Variants in NEIL2 observed in about 807,000 individuals in gnomAD.
NEIL2 encodes the protein endonuclease 8-like 2.
In NEIL2, 23 loss-of-function variants were observed where a neutral mutation model predicts 22.2. The ratio of observed to expected loss-of-function variants is 1.04; its 90% confidence interval spans 0.75 to 1.47. The LOEUF (loss-of-function observed/expected upper bound fraction) is 1.47, where lower values mean the gene tolerates loss of function less well. NEIL2 is among the 40% of genes most tolerant of loss of function. The pLI is 0.00. For synonymous variants in NEIL2, 229 were observed against 164.8 expected (o/e 1.39, Z -2.99); for missense variants, 583 against 404.7 (o/e 1.44, Z -3.78).
chr8:11,784,046 C>T (rs944431000), intron 4 of NEIL2, among the ~76,000 whole-genome samples: 1 of 136,874 alleles, frequency 7.3e-6, no homozygotes, highest in Non-Finnish European at 1.6e-5. Flanking sequence ...GTTCTTATTA[C>T]TCACAGTAGG....
At chr8:11,785,664 G>T (rs923774669) in intron 4 of NEIL2, among the ~76,000 whole-genome samples, 4 of 152,196 alleles carry the variant, frequency 2.6e-5, no homozygotes, top group South Asian at 2.1e-4. Flanking sequence ...TCAGGGTCAC[G>T]TGGGTAGGAT....
intron 1 of NEIL2, among the ~76,000 whole-genome samples, chr8:11,771,053 G>A (rs1197059292): frequency 6.6e-6 from 1 of 152,186 alleles, no homozygotes; most frequent in Non-Finnish European, 1.5e-5. Flanking sequence ...GAGAGCGGGA[G>A]CAGGGGGACA....
intron 1 of NEIL2, among the ~76,000 whole-genome samples, 187 bp from the exon 2 acceptor site, chr8:11,771,259 C>T (rs910435426): frequency 6.6e-6 from 1 of 152,208 alleles, no homozygotes; most frequent in African/African-American, 2.4e-5. Flanking sequence ...ACGTTTCCCA[C>T]ACCCTGCCAC....
chr8:11,779,446 C>A lies in NEIL2; in HGVS notation c.139-152C>A, dbSNP rs1446768515. 4 of 718,320 alleles carry A rather than the reference C, an allele frequency of 5.6e-6. No individual in the cohort carries two copies. The East Asian group carries it at 7.5e-5, about 13-fold the overall frequency. 44.5% of individuals were successfully genotyped at this position (718,320 alleles called of 1,614,324 possible). A position where few individuals can be genotyped will look rare whatever the true frequency, so the allele number is the denominator to read the frequency against. On this transcript the variant is annotated intron_variant, in intron 2 of 4. Coordinates refer to ENST00000284503, the MANE Select transcript of NEIL2 (RefSeq NM_145043.4). ...ATGCGAACTGCTCACACCACTGGAG[C>A]AAAAGAGCAAAAGGCAGAGTCCAAA...
At chr8:11,772,589 C>G (rs571358573) in intron 2 of NEIL2, among the ~76,000 whole-genome samples, 13 of 152,290 alleles carry the variant, frequency 8.5e-5, no homozygotes, top group Middle Eastern at 3.4e-3. Flanking sequence ...TCCTCCTGTT[C>G]TTCCCTTTTT....
chr8:11,777,184 C>T (rs896963972), intron 2 of NEIL2, among the ~76,000 whole-genome samples: 2 of 151,102 alleles, frequency 1.3e-5, no homozygotes, highest in African/African-American at 2.4e-5. Flanking sequence ...TACAGATGGG[C>T]GTTTCACTTT....
chr8:11,782,861 T>G, intron 3 of NEIL2: 1 of 372,628 alleles, frequency 2.7e-6, no homozygotes, highest in East Asian at 7.7e-5. Flanking sequence ...GATGTGTGTA[T>G]GTGTGTATGA....
intron 4 of NEIL2, among the ~76,000 whole-genome samples, chr8:11,784,035 C>T (rs571166293): frequency 2.8e-5 from 4 of 142,762 alleles, no homozygotes; most frequent in East Asian, 3.0e-4. Flanking sequence ...GACAGCGTGG[C>T]GTTCTTATTA....
intron 2 of NEIL2, among the ~76,000 whole-genome samples, chr8:11,778,876 C>T (rs1804139653): frequency 8.0e-6 from 1 of 125,014 alleles, no homozygotes; most frequent in Admixed American, 1.1e-4. Flanking sequence ...CACTTGAACC[C>T]AGGAGATGGA....
In NEIL2 at chr8:11,785,957, T is replaced by C; in HGVS notation, c.689-6T>C. 1.2e-6 allele frequency: 2 copies of C among 1,613,594 alleles called. No individual in the cohort carries two copies. Among genetic ancestry groups the C allele is most frequent in the Non-Finnish European group, 8.5e-7 (1 of 1,179,536 alleles). ...CCTTCCCTTACCTTCCCCCGCTTTA[T>C]TTCAGGGAACATCATTAAGAATGAA... On this transcript the variant is annotated splice_region_variant and splice_polypyrimidine_tract_variant and intron_variant, in intron 4 of 4. Coordinates refer to ENST00000284503, the MANE Select transcript of NEIL2 (RefSeq NM_145043.4).
intron 2 of NEIL2, among the ~76,000 whole-genome samples, chr8:11,771,872 A>G (rs1803481305): frequency 6.6e-6 from 1 of 152,128 alleles, no homozygotes; most frequent in Admixed American, 6.5e-5. Flanking sequence ...TTGGCTGGGA[A>G]CTGTGTTCTA....
At chr8:11,775,264 C>T (rs938467344) in intron 2 of NEIL2, among the ~76,000 whole-genome samples, 11 of 152,360 alleles carry the variant, frequency 7.2e-5, no homozygotes, top group Middle Eastern at 3.4e-3. Context: ...TTCTGTGCAC[C>T]TGCAGGCTCA....
rs767547061 is a variant in NEIL2 at position 11,775,116 on chromosome 8, G to A, written c.138+3531G>A. 4.5e-4 allele frequency among the ~76,000 whole-genome samples: 68 copies of A among 152,260 alleles called. 2 individuals are homozygous for A. Among genetic ancestry groups the A allele is most frequent in the Admixed American group, 3.7e-3 (57 of 15,288 alleles). ...AACTCTGCCTTGGGGCTCTAACCCCGTCTTTTCCTTCTGCACTGCCCTAGC... is the reference window on the plus strand; with the variant it reads ...AACTCTGCCTTGGGGCTCTAACCCCATCTTTTCCTTCTGCACTGCCCTAGC... On this transcript the variant is annotated intron_variant, in intron 2 of 4. Coordinates refer to ENST00000284503, the MANE Select transcript of NEIL2 (RefSeq NM_145043.4).
intron 2 of NEIL2, among the ~76,000 whole-genome samples, chr8:11,773,563 A>T (rs1185740646): frequency 6.6e-6 from 1 of 152,148 alleles, no homozygotes; most frequent in Non-Finnish European, 1.5e-5. Context: ...GGCCTGGAGA[A>T]GATGTGCAGG....
intron 2 of NEIL2, among the ~76,000 whole-genome samples, chr8:11,774,481 C>A (rs8191567): frequency 6.6e-6 from 1 of 152,156 alleles, no homozygotes; most frequent in African/African-American, 2.4e-5. Flanking sequence ...CCACCAGGTC[C>A]GTCCCATAAC....
At chr8:11,780,958 C>G (rs1218033527) in intron 3 of NEIL2, among the ~76,000 whole-genome samples, 1 of 152,082 alleles carries the variant, frequency 6.6e-6, no homozygotes, top group African/African-American at 2.4e-5. Context: ...AGTATTGTTT[C>G]AAGTCTGTCC....
chr8:11,778,910 C>A (rs946893344), intron 2 of NEIL2, among the ~76,000 whole-genome samples: 1 of 130,066 alleles, frequency 7.7e-6, no homozygotes, highest in Non-Finnish European at 1.6e-5. Context: ...CAAGATGGTG[C>A]CACTACACTC....
rs74510995 is a variant in NEIL2, at chr8:11,777,358, C to T, written c.139-2240C>T. ...ACAGTTGTCCCCCTCCCACCCCCAC[C>T]GCCTTTTAAAAATTTTTAAAATTGT... On this transcript the variant is annotated intron_variant, in intron 2 of 4. Transcript: ENST00000284503. 2.1e-3 allele frequency among the ~76,000 whole-genome samples: 321 copies of T among 152,080 alleles called. 4 individuals are homozygous for T. In the South Asian group the frequency reaches 0.021, roughly 10 times the overall value.
At chr8:11,784,578 C>G (rs8191653) in intron 4 of NEIL2, among the ~76,000 whole-genome samples, 2,436 of 152,312 alleles carry the variant, frequency 0.016, 73 homozygotes, top group African/African-American at 0.055. Flanking sequence ...CACCCACTCA[C>G]TCCAAACACA....
Sources: allele counts gnomAD v4.1 joint callset (sites outside exome capture counted in the v4.1 genomes callset), GRCh38; gene constraint gnomAD v4.1.1; transcripts MANE v1.5; gene names NCBI Gene and HGNC (gene_info 2026-07-23, HGNC 2026-07-21).